Variants in LTBP1 observed in about 807,000 individuals in gnomAD.
LTBP1 encodes latent transforming growth factor beta binding protein 1, also known as latent-transforming growth factor beta-binding protein 1.
Under a neutral mutation model 207.6 loss-of-function variants are expected in LTBP1, and 129 were observed. The observed-to-expected ratio is 0.62, with a 90% CI of 0.54 to 0.72. The LOEUF (loss-of-function observed/expected upper bound fraction) is 0.72. Ranked by LOEUF, LTBP1 falls within the 30% of genes least tolerant of loss-of-function variation. LTBP1 has a pLI of 0.00. For synonymous variants in LTBP1, 963 were observed against 833.7 expected, an observed-to-expected ratio of 1.16 and a Z score of -2.67; for missense variants, 2,281 against 2,217.2, an observed-to-expected ratio of 1.03 and a Z score of -0.58.
chr2:32,981,015 C>T (rs959966583), intron 2 of LTBP1, among the ~76,000 whole-genome samples: 4 of 152,024 alleles, frequency 2.6e-5, no homozygotes, highest in Non-Finnish European at 4.4e-5. Flanking sequence ...TTTCTTTATC[C>T]TTGGTCTTTG....
intron 3 of LTBP1, among the ~76,000 whole-genome samples, chr2:33,037,105 T>A (rs1400153290): frequency 6.6e-6 from 1 of 152,204 alleles, no homozygotes; most frequent in Non-Finnish European, 1.5e-5. Flanking sequence ...TATGTGTGAT[T>A]TTTTTTCCAT....
intron 5 of LTBP1, among the ~76,000 whole-genome samples, chr2:33,164,354 A>G (rs1239357661): frequency 1.1e-4 from 15 of 132,842 alleles, no homozygotes; most frequent in African/African-American, 3.0e-4. Flanking sequence ...CCTCTCAGGA[A>G]AAAAAAAAAA....
chr2:32,975,600 T>G (rs1354989319), intron 2 of LTBP1, among the ~76,000 whole-genome samples: 10 of 127,632 alleles, frequency 7.8e-5, no homozygotes, highest in African/African-American at 2.8e-4. Context: ...TTTTTTTTTT[T>G]TTTTTTTTTT....
intron 9 of LTBP1, among the ~76,000 whole-genome samples, chr2:33,231,786 T>C (rs184294791): frequency 1.3e-5 from 2 of 152,346 alleles, no homozygotes; most frequent in East Asian, 1.9e-4. Context: ...AAAGCTCTTA[T>C]AATTAATCGA....
At chr2:33,337,952 G>T (rs914583751) in intron 24 of LTBP1, among the ~76,000 whole-genome samples, 1 of 152,142 alleles carries the variant, frequency 6.6e-6, no homozygotes, top group African/African-American at 2.4e-5. Context: ...TTCATTGTAT[G>T]TATATACGGG....
chr2:33,072,407 C>T (rs1276526212), intron 3 of LTBP1, among the ~76,000 whole-genome samples: 3 of 152,142 alleles, frequency 2.0e-5, no homozygotes, highest in African/African-American at 7.2e-5. Flanking sequence ...CCTACCAAGG[C>T]CTGTCCAGAT....
At chr2:33,085,352 A>AT (rs2078689438) in intron 3 of LTBP1, among the ~76,000 whole-genome samples, 2 of 152,094 alleles carry the variant, frequency 1.3e-5, no homozygotes, top group Non-Finnish European at 2.9e-5. Flanking sequence ...TCTAATGAAC[A>AT]TTTTTCTTAT....
At chr2:33,053,570 C>T (rs1420929180) in intron 3 of LTBP1, among the ~76,000 whole-genome samples, 1 of 151,896 alleles carries the variant, frequency 6.6e-6, no homozygotes, top group African/African-American at 2.4e-5. Flanking sequence ...TCTGGGTTTC[C>T]TTGATTAGAG....
chr2:33,144,458 A>G (rs959560650), intron 5 of LTBP1, among the ~76,000 whole-genome samples: 1 of 152,188 alleles, frequency 6.6e-6, no homozygotes, highest in Admixed American at 6.5e-5. Flanking sequence ...CATGTTGCCA[A>G]GCCTTCTGGC....
At chr2:33,279,092 A>G (rs897502621) in intron 18 of LTBP1, among the ~76,000 whole-genome samples, 19 of 152,144 alleles carry the variant, frequency 1.2e-4, no homozygotes, top group Non-Finnish European at 2.5e-4. Context: ...ATCCGTTTAT[A>G]TTTTAAGTAC....
intron 5 of LTBP1, among the ~76,000 whole-genome samples, chr2:33,159,149 G>C (rs1055768373): frequency 6.6e-6 from 1 of 152,148 alleles, no homozygotes; most frequent in Non-Finnish European, 1.5e-5. Flanking sequence ...GCTGTGGCCT[G>C]GGTGGTGACA....
chr2:33,397,674 A>AT (rs71409616), intron 33 of LTBP1, among the ~76,000 whole-genome samples: 1,490 of 117,432 alleles, frequency 0.013, 29 homozygotes, highest in African/African-American at 0.038. Flanking sequence ...CACCCGGCTA[A>AT]TTTTTTTTTT....
At chr2:33,280,896 T>C (rs1336692362) in intron 19 of LTBP1, among the ~76,000 whole-genome samples, 1 of 152,054 alleles carries the variant, frequency 6.6e-6, no homozygotes, top group Non-Finnish European at 1.5e-5. Flanking sequence ...TAGCAAGACC[T>C]CATCTCTACA....
chr2:33,286,859 C>G (rs1226827591), intron 19 of LTBP1, among the ~76,000 whole-genome samples: 4 of 152,140 alleles, frequency 2.6e-5, no homozygotes, highest in Non-Finnish European at 5.9e-5. Context: ...CATGTTCTCA[C>G]TCATAGGTGG....
chr2:33,222,181 C>G, intron 9 of LTBP1, 30 bp downstream of exon 9: 1 of 1,521,536 alleles, frequency 6.6e-7, no homozygotes, highest in Non-Finnish European at 9.1e-7. Flanking sequence ...TTGATGTGGA[C>G]TCAACAGTTG....
At chr2:32,955,362 A>G (rs1034456341) in intron 2 of LTBP1, among the ~76,000 whole-genome samples, 1 of 152,226 alleles carries the variant, frequency 6.6e-6, no homozygotes, top group African/African-American at 2.4e-5. Flanking sequence ...TTTGAAGTAT[A>G]TATGTGTATT....
chr2:33,190,629 CTT>C (rs1231960142), intron 7 of LTBP1, among the ~76,000 whole-genome samples: 21 of 152,178 alleles, frequency 1.4e-4, no homozygotes, highest in Admixed American at 1.3e-3. Context: ...GCTCATGAGA[CTT>C]TGTTAAGATT....
chr2:33,013,739 G>T (rs1687982081), intron 2 of LTBP1, among the ~76,000 whole-genome samples: 1 of 151,952 alleles, frequency 6.6e-6, no homozygotes, highest in Admixed American at 6.6e-5. Flanking sequence ...GTGTGTTTGG[G>T]CCCAGCTGAC....
intron 31 of LTBP1, among the ~76,000 whole-genome samples, chr2:33,368,442 G>A (rs757898526): frequency 6.6e-6 from 1 of 152,122 alleles, no homozygotes; most frequent in Non-Finnish European, 1.5e-5. Flanking sequence ...GTATCTTTTG[G>A]ATATAATGAC....
Sources: gnomAD v4.1 joint callset for allele counts (sites outside exome capture counted in the v4.1 genomes callset) on GRCh38, gnomAD v4.1.1 for gene constraint, MANE v1.5 for transcripts, NCBI Gene and HGNC (gene_info 2026-07-23, HGNC 2026-07-21) for gene names.